Variants in AUTS2 observed in about 807,000 individuals in gnomAD.
AUTS2 encodes the protein autism susceptibility gene 2 protein.
In AUTS2, 17 loss-of-function variants were observed where a neutral mutation model predicts 112.4. That is an observed-to-expected ratio of 0.15 (90% CI 0.10 to 0.23). AUTS2 has a LOEUF of 0.23. AUTS2 is among the 10% of genes least tolerant of loss of function. The pLI, the probability that AUTS2 is intolerant of heterozygous loss-of-function variation, is 1.00. For missense variants in AUTS2, 1,510 were observed against 1,701.6 expected (o/e 0.89, Z 1.98); for synonymous variants, 751 against 702.7 (o/e 1.07, Z -1.09).
At chr7:69,839,419 T>C (rs1791873541) in intron 1 of AUTS2, among the ~76,000 whole-genome samples, 1 of 152,166 alleles carries the variant, frequency 6.6e-6, no homozygotes, top group Admixed American at 6.5e-5. Flanking sequence ...TGAATCACTT[T>C]TTATTATTCC....
chr7:69,618,750 T>G (rs1479972236), intron 1 of AUTS2, among the ~76,000 whole-genome samples: 2 of 152,156 alleles, frequency 1.3e-5, no homozygotes, highest in African/African-American at 4.8e-5. Context: ...CCAACACCCA[T>G]GTACCCACCA....
At chr7:69,798,195 C>T (rs1164251355) in intron 1 of AUTS2, among the ~76,000 whole-genome samples, 1 of 152,120 alleles carries the variant, frequency 6.6e-6, no homozygotes, top group East Asian at 1.9e-4. Flanking sequence ...CTCATGGTTC[C>T]TCTTCATCAG....
intron 5 of AUTS2, among the ~76,000 whole-genome samples, chr7:70,511,590 T>TTTTA: frequency 1.6e-5 from 2 of 123,340 alleles, no homozygotes; most frequent in African/African-American, 3.3e-5. Context: ...TTTTTTTTTT[T>TTTTA]ATTGAGACAG....
intron 1 of AUTS2, among the ~76,000 whole-genome samples, chr7:69,763,400 T>G (rs1788278127): frequency 1.3e-5 from 2 of 152,182 alleles, no homozygotes; most frequent in South Asian, 4.1e-4. Flanking sequence ...GTGACTAAAC[T>G]TGTAAGAACG....
chr7:69,811,221 C>T (rs1009961198), intron 1 of AUTS2, among the ~76,000 whole-genome samples: 3 of 152,046 alleles, frequency 2.0e-5, no homozygotes, highest in Non-Finnish European at 4.4e-5. Context: ...AATCAGGAAG[C>T]ATAGTTTGAA....
intron 5 of AUTS2, among the ~76,000 whole-genome samples, chr7:70,496,160 C>G (rs1754944537): frequency 8.2e-6 from 1 of 121,926 alleles, no homozygotes. Context: ...ACACACACCA[C>G]GTACACAGTC....
At chr7:70,728,176 A>T (rs997437391) in intron 6 of AUTS2, among the ~76,000 whole-genome samples, 1 of 152,196 alleles carries the variant, frequency 6.6e-6, no homozygotes, top group Non-Finnish European at 1.5e-5. Context: ...ACAAATAAAA[A>T]AATTGTTTGC....
intron 1 of AUTS2, among the ~76,000 whole-genome samples, chr7:69,612,487 T>C (rs1268542711): frequency 6.6e-6 from 1 of 152,136 alleles, no homozygotes. Flanking sequence ...TTAGACATGT[T>C]CTCGCTCTGT....
chr7:70,137,504 T>G (rs1000351235), intron 4 of AUTS2, among the ~76,000 whole-genome samples: 1 of 152,090 alleles, frequency 6.6e-6, no homozygotes, highest in East Asian at 1.9e-4. Context: ...TGAACACATT[T>G]TCTTTTCAAT....
chr7:70,322,414 T>G (rs368749310), intron 4 of AUTS2, among the ~76,000 whole-genome samples: 64 of 152,244 alleles, frequency 4.2e-4, no homozygotes, highest in African/African-American at 1.5e-3. Flanking sequence ...GCAAAGCCCT[T>G]GGATGTTATA....
At chr7:70,350,512 T>C (rs934793544) in intron 4 of AUTS2, among the ~76,000 whole-genome samples, 4 of 152,118 alleles carry the variant, frequency 2.6e-5, no homozygotes, top group African/African-American at 9.7e-5. Flanking sequence ...CAAGGGACCA[T>C]GTGCAGAGTT....
At chr7:70,506,553 TGA>T (rs1798969728) in intron 5 of AUTS2, among the ~76,000 whole-genome samples, 1 of 151,666 alleles carries the variant, frequency 6.6e-6, no homozygotes. Context: ...CCACCAAGAC[TGA>T]GAGGAAGGGA....
At chr7:70,430,550 T>C (rs1795613954) in intron 4 of AUTS2, among the ~76,000 whole-genome samples, 2 of 152,146 alleles carry the variant, frequency 1.3e-5, no homozygotes, top group Non-Finnish European at 2.9e-5. Context: ...AGTTTCAGCA[T>C]ATACATGGTA....
At chr7:69,694,266 G>C (rs1186637333) in intron 1 of AUTS2, among the ~76,000 whole-genome samples, 1 of 152,064 alleles carries the variant, frequency 6.6e-6, no homozygotes, top group African/African-American at 2.4e-5. Context: ...TGACTCAGTG[G>C]GGGTAAGGAT....
chr7:69,864,038 TC>T (rs1197479961), intron 1 of AUTS2, among the ~76,000 whole-genome samples: 7 of 152,124 alleles, frequency 4.6e-5, no homozygotes, highest in African/African-American at 7.2e-5. Context: ...GGAGTCTTAG[TC>T]CCAAGCAAAA....
chr7:70,651,123 TCTTAA>T (rs1034209399), intron 5 of AUTS2, among the ~76,000 whole-genome samples: 1 of 152,252 alleles, frequency 6.6e-6, no homozygotes, highest in African/African-American at 2.4e-5. Context: ...ACTTTACATG[TCTTAA>T]CTTATTTCAT....
chr7:70,496,095 GAC>G (rs1256510829), intron 5 of AUTS2, among the ~76,000 whole-genome samples: 4 of 54,098 alleles, frequency 7.4e-5, no homozygotes, highest in Non-Finnish European at 1.4e-4. Flanking sequence ...TACACAGTCA[GAC>G]ACACACCCCA....
At chr7:69,619,235 G>A (rs992272239) in intron 1 of AUTS2, among the ~76,000 whole-genome samples, 4 of 152,228 alleles carry the variant, frequency 2.6e-5, no homozygotes, top group Non-Finnish European at 2.9e-5. Flanking sequence ...GGCAAGCTGC[G>A]GATATATTTA....
At chr7:70,284,682 C>A (rs1358943799) in intron 4 of AUTS2, among the ~76,000 whole-genome samples, 1 of 152,186 alleles carries the variant, frequency 6.6e-6, no homozygotes, top group Admixed American at 6.5e-5. Flanking sequence ...TTCTGCTTCA[C>A]AGAAGCCTAT....
Sources: allele counts gnomAD v4.1 joint callset (sites outside exome capture counted in the v4.1 genomes callset), GRCh38; gene constraint gnomAD v4.1.1; transcripts MANE v1.5; gene names NCBI Gene and HGNC (gene_info 2026-07-23, HGNC 2026-07-21).